Variants in KCNAB1 observed in about 807,000 individuals in gnomAD.
The protein encoded by KCNAB1 is potassium voltage-gated channel subfamily A regulatory beta subunit 1.
A neutral mutation model predicts 64.6 loss-of-function variants in KCNAB1; 35 were observed. The observed-to-expected ratio is 0.54, with a 90% CI of 0.41 to 0.72. The LOEUF (loss-of-function observed/expected upper bound fraction) is 0.72, where lower values mean the gene tolerates loss of function less well. KCNAB1 is among the 30% of genes least tolerant of loss of function. The pLI is 0.00. For missense variants in KCNAB1, 401 were observed against 512.9 expected, an observed-to-expected ratio of 0.78 and a Z score of 2.11; for synonymous variants, 177 against 183.8, an observed-to-expected ratio of 0.96 and a Z score of 0.30.
intron 1 of KCNAB1, among the ~76,000 whole-genome samples, chr3:156,288,418 TGATAGCAG>T (rs1398120029): frequency 1.3e-5 from 2 of 152,314 alleles, no homozygotes; most frequent in East Asian, 3.9e-4. Flanking sequence ...AAACCTGAAA[TGATAGCAG>T]TGAAGACTCT....
At chr3:156,504,751 G>GTTTTTTTTTTTTTTTTTTTT (rs71302274) in intron 8 of KCNAB1, among the ~76,000 whole-genome samples, 4 of 132,736 alleles carry the variant, frequency 3.0e-5, no homozygotes, top group African/African-American at 5.5e-5. Context: ...TGTTTTTTTT[G>GTTTTTTTTTTTTTTTTTTTT]TTTTTTTTTT....
At chr3:156,444,349 G>A (rs1010635528) in intron 2 of KCNAB1, among the ~76,000 whole-genome samples, 5 of 152,190 alleles carry the variant, frequency 3.3e-5, no homozygotes, top group Non-Finnish European at 4.4e-5. Context: ...CTGTGTGGGG[G>A]TCCTGGGGGA....
At chr3:156,168,400 A>G (rs1040529158) in intron 1 of KCNAB1, among the ~76,000 whole-genome samples, 5 of 152,198 alleles carry the variant, frequency 3.3e-5, no homozygotes, top group African/African-American at 9.7e-5. Flanking sequence ...CGGTTTTAAA[A>G]TTTAAAAAAT....
intron 1 of KCNAB1, among the ~76,000 whole-genome samples, chr3:156,142,082 G>A (rs1180275275): frequency 3.3e-5 from 5 of 152,096 alleles, no homozygotes; most frequent in Non-Finnish European, 5.9e-5. Flanking sequence ...TCTTTTGCCC[G>A]TTTACCAATT....
chr3:156,515,096 C>T lies in KCNAB1; in HGVS notation c.745-4C>T, dbSNP rs764850701. ...AATTTGGTTGTAATCTCATTCCTCC[C>T]TAGGAAGCCTATTCTGTAGCAAGAC... On this transcript the variant is annotated splice_polypyrimidine_tract_variant and splice_region_variant and intron_variant, in intron 9 of 13. Coordinates refer to ENST00000490337, the MANE Select transcript of KCNAB1 (RefSeq NM_172160.3). 1.9e-6 allele frequency: 3 copies of T among 1,599,170 alleles called. No homozygotes were observed. Among genetic ancestry groups the T allele is most frequent in the South Asian group, 2.3e-5 (2 of 87,782 alleles).
At chr3:156,257,780 G>A (rs1267408923) in intron 1 of KCNAB1, among the ~76,000 whole-genome samples, 3 of 152,170 alleles carry the variant, frequency 2.0e-5, no homozygotes, top group African/African-American at 7.2e-5. Context: ...TGACTGGCTG[G>A]TGCAGTCTCA....
chr3:156,383,902 C>T (rs765999057), intron 1 of KCNAB1, among the ~76,000 whole-genome samples: 3 of 152,130 alleles, frequency 2.0e-5, no homozygotes, highest in Non-Finnish European at 2.9e-5. Flanking sequence ...GGTTTCCAGA[C>T]GCTGGCAGGG....
chr3:156,223,223 A>C (rs1715897460), intron 1 of KCNAB1, among the ~76,000 whole-genome samples: 1 of 152,232 alleles, frequency 6.6e-6, no homozygotes. Context: ...TCATAAAGGC[A>C]GTGTGGACCC....
intron 8 of KCNAB1, among the ~76,000 whole-genome samples, chr3:156,504,757 T>G (rs1716712672): frequency 6.6e-6 from 1 of 150,934 alleles, no homozygotes; most frequent in Non-Finnish European, 1.5e-5. Context: ...TTTTGTTTTT[T>G]TTTTTTTGCT....
intron 1 of KCNAB1, among the ~76,000 whole-genome samples, chr3:156,136,407 G>T (rs1714350641): frequency 6.6e-6 from 1 of 152,134 alleles, no homozygotes; most frequent in African/African-American, 2.4e-5. Flanking sequence ...TGACTTCATA[G>T]CCTGTGCTCT....
chr3:156,380,012 G>C (rs937999225), intron 1 of KCNAB1, among the ~76,000 whole-genome samples: 3 of 152,182 alleles, frequency 2.0e-5, no homozygotes, highest in Admixed American at 6.5e-5. Context: ...GCTGCTCTAA[G>C]TCCTCTTTCT....
intron 1 of KCNAB1, among the ~76,000 whole-genome samples, chr3:156,147,761 G>T (rs891970495): frequency 1.3e-5 from 2 of 152,084 alleles, no homozygotes; most frequent in Non-Finnish European, 2.9e-5. Context: ...CCAATTTCTG[G>T]TCTTACAGCT....
Position 156,315,945 on chromosome 3 carries a change from T to C in KCNAB1, c.276-105671T>C, listed in dbSNP as rs144234425. On this transcript the variant is annotated intron_variant, in intron 1 of 13. Coordinates refer to ENST00000490337, the MANE Select transcript of KCNAB1 (RefSeq NM_172160.3). ...ACATGTTTGTATCATAGAAGAATAA[T>C]GGTATTCTAATCTACAGAATAAATA... Among the ~76,000 whole-genome samples, 226 of 152,322 alleles carry C rather than the reference T, an allele frequency of 1.5e-3. 1 individual carries two copies. Among genetic ancestry groups the C allele is most frequent in the African/African-American group, 5.1e-3 (214 of 41,586 alleles).
intron 1 of KCNAB1, among the ~76,000 whole-genome samples, chr3:156,377,646 C>T (rs371399049): frequency 5.9e-5 from 9 of 151,972 alleles, no homozygotes; most frequent in Admixed American, 5.2e-4. Flanking sequence ...TCATCGCCAC[C>T]GAAGAAAGGA....
intron 1 of KCNAB1, among the ~76,000 whole-genome samples, chr3:156,175,386 C>G (rs1180559550): frequency 6.6e-6 from 1 of 152,238 alleles, no homozygotes; most frequent in African/African-American, 2.4e-5. Flanking sequence ...TTTGGGAGGC[C>G]GAGGCGGGTG....
chr3:156,474,616 T>C, intron 7 of KCNAB1, 118 bp from the exon 8 acceptor site: 2 of 684,966 alleles, frequency 2.9e-6, no homozygotes, highest in Admixed American at 4.8e-5. Flanking sequence ...ATTCAACGCA[T>C]TTTTGAAACT....
intron 1 of KCNAB1, among the ~76,000 whole-genome samples, chr3:156,281,772 C>T (rs372949345): frequency 1.1e-4 from 16 of 150,626 alleles, no homozygotes; most frequent in South Asian, 4.3e-4. Context: ...TGTAGTATTC[C>T]CTGATGGTAG....
rs575914128 is a variant in KCNAB1 at position 156,172,386 on chromosome 3, T to G, written c.275+51500T>G. Reference sequence around the variant, plus strand: ...CCTCTGCCTCTCAGGCTCAAGCAATTCTCGTGCCTCAGCCTCCTGAGTAGC... The same window carrying G: ...CCTCTGCCTCTCAGGCTCAAGCAATGCTCGTGCCTCAGCCTCCTGAGTAGC... On this transcript the variant is annotated intron_variant, in intron 1 of 13. Coordinates refer to ENST00000490337, the MANE Select transcript of KCNAB1 (RefSeq NM_172160.3). 2.7e-3 allele frequency among the ~76,000 whole-genome samples: 411 copies of G among 151,684 alleles called. 1 individual carries two copies. The highest frequency in any genetic ancestry group is 9.6e-3 in the African/African-American group (396 of 41,414).
intron 1 of KCNAB1, among the ~76,000 whole-genome samples, chr3:156,403,893 A>G (rs1036529363): frequency 7.9e-6 from 1 of 126,034 alleles, no homozygotes; most frequent in Non-Finnish European, 1.6e-5. Context: ...GACTCTGCCT[A>G]AAAAAAAAAA....
Sources: allele counts gnomAD v4.1 joint callset (sites outside exome capture counted in the v4.1 genomes callset), GRCh38; gene constraint gnomAD v4.1.1; transcripts MANE v1.5; gene names NCBI Gene and HGNC (gene_info 2026-07-23, HGNC 2026-07-21).